UIMC1: variants seen among roughly 807,000 people sequenced by gnomAD.
The protein encoded by UIMC1 is BRCA1-A complex subunit RAP80.
Under a neutral mutation model 84.9 loss-of-function variants are expected in UIMC1, and 42 were observed. The observed-to-expected ratio is 0.49, with a 90% confidence interval of 0.39 to 0.64. UIMC1 has a LOEUF of 0.64. Ranked by LOEUF, UIMC1 falls within the 30% of genes least tolerant of loss-of-function variation. UIMC1 has a pLI of 0.00. For missense variants in UIMC1, 825 were observed against 847.6 expected (o/e 0.97, Z 0.33); for synonymous variants, 281 against 293.0 (o/e 0.96, Z 0.42).
At chr5:176,921,108 A>G (rs778588474) in intron 10 of UIMC1, among the ~76,000 whole-genome samples, 18 of 152,164 alleles carry the variant, frequency 1.2e-4, no homozygotes, top group Non-Finnish European at 2.2e-4. Flanking sequence ...AACCTTTCAG[A>G]CTTTTTTGAT....
At chr5:176,937,103 C>T (rs1199408543) in intron 10 of UIMC1, among the ~76,000 whole-genome samples, 3 of 152,160 alleles carry the variant, frequency 2.0e-5, no homozygotes, top group Non-Finnish European at 4.4e-5. Flanking sequence ...CACAATTGGC[C>T]TTAGATACAT....
chr5:176,936,466 T>A (rs775106217), intron 10 of UIMC1, among the ~76,000 whole-genome samples: 7 of 152,230 alleles, frequency 4.6e-5, no homozygotes, highest in Non-Finnish European at 7.3e-5. Context: ...ACTGTCCACA[T>A]AGTAGCAACC....
intron 10 of UIMC1, among the ~76,000 whole-genome samples, chr5:176,939,400 C>T (rs192265446): frequency 6.6e-6 from 1 of 152,190 alleles, no homozygotes; most frequent in Admixed American, 6.5e-5. Flanking sequence ...GGATGTAGTA[C>T]AGTCATGTGC....
intron 1 of UIMC1, among the ~76,000 whole-genome samples, chr5:176,999,290 TAC>T (rs1288981311): frequency 6.6e-6 from 1 of 152,312 alleles, no homozygotes; most frequent in East Asian, 1.9e-4. Context: ...TTTTTGTGGG[TAC>T]ATAGGTGCAT....
chr5:177,015,685 A>G (rs780801337), intron 1 of UIMC1, among the ~76,000 whole-genome samples: 1 of 151,536 alleles, frequency 6.6e-6, no homozygotes, highest in Non-Finnish European at 1.5e-5. Flanking sequence ...TGATCAACAG[A>G]CTCCCCTCTG....
At chr5:177,000,464 C>T (rs1280205153) in intron 1 of UIMC1, among the ~76,000 whole-genome samples, 2 of 147,116 alleles carry the variant, frequency 1.4e-5, no homozygotes, top group Non-Finnish European at 3.0e-5. Context: ...TAATGTTGAA[C>T]GCCTTTTCAT....
At chr5:176,907,377 A>G (rs1759527679) in intron 12 of UIMC1, 200 bp from the exon 13 acceptor site, 1 of 529,014 alleles carries the variant, frequency 1.9e-6, no homozygotes, top group Non-Finnish European at 3.4e-6. Context: ...CGCTATGCCC[A>G]GAGTATCATG....
At chr5:176,996,001 T>C (rs932233573) in intron 1 of UIMC1, among the ~76,000 whole-genome samples, 1 of 152,154 alleles carries the variant, frequency 6.6e-6, no homozygotes, top group Non-Finnish European at 1.5e-5. Flanking sequence ...ATGTTCATCA[T>C]AGCAGCCTTA....
intron 10 of UIMC1, among the ~76,000 whole-genome samples, chr5:176,917,422 T>C (rs2149400824): frequency 6.6e-6 from 1 of 151,744 alleles, no homozygotes; most frequent in South Asian, 2.1e-4. Flanking sequence ...AAATAGACAA[T>C]TTAGCCGGGC....
intron 10 of UIMC1, among the ~76,000 whole-genome samples, chr5:176,914,911 C>T (rs1392009700): frequency 1.3e-5 from 2 of 152,188 alleles, no homozygotes; most frequent in African/African-American, 2.4e-5. Context: ...ATCTTATGTA[C>T]GAGGACTTCA....
rs184887921 is a variant in UIMC1 at position 177,016,111 on chromosome 5, T to A, written c.-9+6353A>T. On this transcript the variant is annotated intron_variant, in intron 1 of 5. Coordinates refer to the UIMC1 transcript ENST00000509236. Reference sequence around the variant, plus strand: ...AGGACGCGGTGGCTCATGCCCATAATCCCACCACTTTGGGAGGCCAAGGTG... The same window carrying A: ...AGGACGCGGTGGCTCATGCCCATAAACCCACCACTTTGGGAGGCCAAGGTG... 1.2e-3 allele frequency among the ~76,000 whole-genome samples: 188 copies of A among 151,844 alleles called. 2 individuals are homozygous for A. Among genetic ancestry groups the A allele is most frequent in the African/African-American group, 4.4e-3 (184 of 41,410 alleles).
At chr5:176,920,627 C>T (rs1561736930) in intron 10 of UIMC1, among the ~76,000 whole-genome samples, 1 of 152,218 alleles carries the variant, frequency 6.6e-6, no homozygotes, top group Non-Finnish European at 1.5e-5. Flanking sequence ...TCTATATTGA[C>T]CTTGTATCCT....
chr5:176,952,839 T>C (rs181536104), intron 8 of UIMC1, among the ~76,000 whole-genome samples: 1 of 152,194 alleles, frequency 6.6e-6, no homozygotes, highest in Non-Finnish European at 1.5e-5. Flanking sequence ...TGTAGACACA[T>C]ATCACTTAAT....
intron 2 of UIMC1, 97 bp downstream of exon 2, chr5:176,982,372 G>A (rs1481222798): frequency 2.9e-6 from 4 of 1,386,334 alleles, no homozygotes; most frequent in African/African-American, 1.5e-5. Context: ...TTGGTGAGCT[G>A]GCATTAAGGT....
At chr5:177,001,751 AAC>A (rs1561925341) in intron 1 of UIMC1, among the ~76,000 whole-genome samples, 2 of 151,106 alleles carry the variant, frequency 1.3e-5, no homozygotes, top group African/African-American at 4.9e-5. Context: ...CATCCTGGCT[AAC>A]ACAGTGAAAA....
rs530442397 is a variant in UIMC1, at chr5:176,968,016, AAACTT to A, written c.1200+534_1200+538del. On this transcript the variant is annotated intron_variant, in intron 6 of 14. Coordinates refer to ENST00000511320, the MANE Select transcript of UIMC1 (RefSeq NM_001199298.2). ...AAACTATAAAGTAGGGAGAGGAACAAAACTTAACACAGAAGAGTCTTCATTTTGTT... is the reference window on the plus strand; with the variant it reads ...AAACTATAAAGTAGGGAGAGGAACAAAACACAGAAGAGTCTTCATTTTGTT... Among the ~76,000 whole-genome samples the A allele has an allele frequency of 2.0e-4, 30 of 152,300 alleles. 1 individual carries two copies. The South Asian group carries it at 4.1e-3, about 21-fold the overall frequency.
At chr5:176,967,063 T>C (rs772704495) in intron 6 of UIMC1, among the ~76,000 whole-genome samples, 3 of 152,228 alleles carry the variant, frequency 2.0e-5, no homozygotes, top group Admixed American at 6.5e-5. Flanking sequence ...ATGGAGAAAC[T>C]AGTATTCATA....
At chr5:176,914,691 A>G (rs1760741168) in intron 10 of UIMC1, among the ~76,000 whole-genome samples, 1 of 152,246 alleles carries the variant, frequency 6.6e-6, no homozygotes, top group Admixed American at 6.5e-5. Flanking sequence ...GGAAGGAGGC[A>G]TACTTTTCAT....
chr5:176,907,035 T>C, intron 13 of UIMC1, 79 bp downstream of exon 13: 3 of 1,441,888 alleles, frequency 2.1e-6, no homozygotes, highest in Admixed American at 3.6e-5. Context: ...CCACAGCAAA[T>C]AGTCAGGGGG....
Sources: allele counts gnomAD v4.1 joint callset (sites outside exome capture counted in the v4.1 genomes callset), GRCh38; gene constraint gnomAD v4.1.1; transcripts MANE v1.5; gene names NCBI Gene and HGNC (gene_info 2026-07-23, HGNC 2026-07-21).